MALRD1: variants seen among roughly 807,000 people sequenced by gnomAD.
MALRD1 encodes the protein MAM and LDL-receptor class A domain-containing protein 1.
Under a neutral mutation model 242.1 loss-of-function variants are expected in MALRD1, and 247 were observed. The observed-to-expected ratio is 1.02, with a 90% CI of 0.92 to 1.13. The LOEUF (loss-of-function observed/expected upper bound fraction) is 1.13, where lower values mean the gene tolerates loss of function less well. MALRD1 is among the 50% of genes most tolerant of loss of function. The probability of loss-of-function intolerance (pLI) is 0.00; values close to 1 mark genes in which losing one functional copy is unlikely to be tolerated. For synonymous variants in MALRD1, 995 were observed against 866.6 expected (o/e 1.15, Z -2.60); for missense variants, 2,989 against 2,533.1 (o/e 1.18, Z -3.86).
chr10:19,493,278 G>C (rs1261720791), intron 30 of MALRD1: 1 of 151,792 alleles, frequency 6.6e-6, no homozygotes, highest in Non-Finnish European at 1.5e-5. Flanking sequence ...TTTCTTTTCT[G>C]TGACTGGCTT....
chr10:19,080,293 A>G (rs1277298005), intron 2 of MALRD1, among the ~76,000 whole-genome samples: 1 of 152,064 alleles, frequency 6.6e-6, no homozygotes, highest in Admixed American at 6.6e-5. Flanking sequence ...ATAACCCAAA[A>G]GAGGTCTCAT....
chr10:19,162,030 G>GAACAACAAC lies in MALRD1; in HGVS notation c.1657-3602_1657-3594dup, dbSNP rs200339497. 5.6e-3 allele frequency among the ~76,000 whole-genome samples: 828 copies of GAACAACAAC among 146,774 alleles called. 4 individuals carry two copies. The highest frequency in any genetic ancestry group is 8.0e-3 in the Non-Finnish European group (532 of 66,296). The stretch of plus-strand genomic sequence containing the variant: ...GCAACAGAGTGAAACTCTGTCTCAA[G>GAACAACAAC]AACAACAACAACAGCAACAACAACA... On this transcript the variant is annotated intron_variant, in intron 12 of 39. Transcript: ENST00000454679.
intron 2 of MALRD1, 149 bp downstream of exon 2, chr10:19,067,008 T>C (rs1424554558): frequency 1.9e-6 from 1 of 527,470 alleles, no homozygotes; most frequent in Non-Finnish European, 2.9e-6. Context: ...GATATTTACA[T>C]ATTTGTAGTT....
At chr10:19,073,787 G>A (rs886970716) in intron 2 of MALRD1, among the ~76,000 whole-genome samples, 5 of 152,076 alleles carry the variant, frequency 3.3e-5, no homozygotes, top group Non-Finnish European at 7.4e-5. Flanking sequence ...CAAGGTGTTT[G>A]TGATCTCTTT....
intron 36 of MALRD1, among the ~76,000 whole-genome samples, chr10:19,682,625 C>T (rs148010978): frequency 2.6e-5 from 4 of 152,220 alleles, no homozygotes; most frequent in Non-Finnish European, 4.4e-5. Flanking sequence ...GCAAATTAAT[C>T]GCTGCTACTC....
chr10:19,496,589 C>T (rs1837730600), intron 30 of MALRD1, among the ~76,000 whole-genome samples: 1 of 152,106 alleles, frequency 6.6e-6, no homozygotes, highest in South Asian at 2.1e-4. Flanking sequence ...GCACCAAATG[C>T]CCACATCAAA....
At chr10:19,678,281 T>C (rs1432868622) in intron 36 of MALRD1, among the ~76,000 whole-genome samples, 1 of 152,196 alleles carries the variant, frequency 6.6e-6, no homozygotes, top group Non-Finnish European at 1.5e-5. Flanking sequence ...TTTCACAATA[T>C]TGATTCTTCC....
At chr10:19,332,019 C>T (rs1843395279) in intron 24 of MALRD1, among the ~76,000 whole-genome samples, 1 of 152,012 alleles carries the variant, frequency 6.6e-6, no homozygotes, top group African/African-American at 2.4e-5. Context: ...GCGCCTGCCA[C>T]CACGCCCAGC....
At chr10:19,239,718 G>A (rs968196717) in intron 18 of MALRD1, among the ~76,000 whole-genome samples, 1 of 152,072 alleles carries the variant, frequency 6.6e-6, no homozygotes, top group South Asian at 2.1e-4. Flanking sequence ...CCCACATGTA[G>A]ATATCCAATC....
At chr10:19,390,103 C>T (rs1031422981) in intron 28 of MALRD1, among the ~76,000 whole-genome samples, 8 of 152,200 alleles carry the variant, frequency 5.3e-5, no homozygotes, top group African/African-American at 1.7e-4. Flanking sequence ...TTGAGTTCAA[C>T]ATCATATCCT....
rs565461089 is a variant in MALRD1 at position 19,389,742 on chromosome 10, C to T, written c.4845+133C>T. ...GCAGCCTCCAACTCCTGGACTCAAG[C>T]GATCCTCCTGCCTCTGCCTCCCGAA... On this transcript the variant is annotated intron_variant, in intron 28 of 39. Coordinates refer to ENST00000454679, the MANE Select transcript of MALRD1 (RefSeq NM_001142308.3). The T allele has an allele frequency of 3.4e-5, 31 of 924,020 alleles. 1 individual carries two copies. The highest frequency in any genetic ancestry group is 7.0e-4 in the Middle Eastern group (2 of 2,866). 57.2% of individuals were successfully genotyped at this position (924,020 alleles called of 1,614,324 possible).
intron 35 of MALRD1, among the ~76,000 whole-genome samples, chr10:19,615,500 G>A (rs1340300036): frequency 1.3e-5 from 1 of 75,470 alleles, no homozygotes; most frequent in Non-Finnish European, 2.2e-5. Context: ...CTGAATGACA[G>A]AGCAAGACCC....
chr10:19,677,149 A>G (rs1445820051), intron 36 of MALRD1, among the ~76,000 whole-genome samples: 1 of 152,196 alleles, frequency 6.6e-6, no homozygotes, highest in Non-Finnish European at 1.5e-5. Context: ...TCTTTATAAT[A>G]GAATGATTTA....
chr10:19,546,614 C>T (rs971168930), intron 32 of MALRD1, among the ~76,000 whole-genome samples: 9 of 152,180 alleles, frequency 5.9e-5, no homozygotes, highest in Non-Finnish European at 1.2e-4. Context: ...TTGAGTTATT[C>T]CAGAATTTGG....
intron 38 of MALRD1, among the ~76,000 whole-genome samples, chr10:19,698,589 A>G (rs946185675): frequency 3.3e-5 from 5 of 152,148 alleles, no homozygotes; most frequent in Non-Finnish European, 5.9e-5. Flanking sequence ...GGGAGAAGAA[A>G]TGGGGAAGGA....
intron 5 of MALRD1, among the ~76,000 whole-genome samples, chr10:19,104,859 T>C (rs1427536549): frequency 1.3e-5 from 2 of 152,096 alleles, no homozygotes; most frequent in Non-Finnish European, 2.9e-5. Flanking sequence ...AGGATCTTGA[T>C]ATTGTGCTTG....
At chr10:19,213,098 C>A (rs191576620) in intron 18 of MALRD1, among the ~76,000 whole-genome samples, 17 of 151,888 alleles carry the variant, frequency 1.1e-4, no homozygotes, top group African/African-American at 3.9e-4. Flanking sequence ...TTGATGAGTT[C>A]TTCTTATCAA....
intron 21 of MALRD1, among the ~76,000 whole-genome samples, chr10:19,294,675 G>A (rs1428551522): frequency 6.6e-6 from 1 of 152,000 alleles, no homozygotes; most frequent in East Asian, 1.9e-4. Flanking sequence ...AGATACCCAA[G>A]GCATTCTCTA....
chr10:19,124,092 C>T (rs1837166156), intron 6 of MALRD1, among the ~76,000 whole-genome samples: 1 of 151,136 alleles, frequency 6.6e-6, no homozygotes, highest in Non-Finnish European at 1.5e-5. Context: ...TGGCATGCAC[C>T]TGTGGTCCTA....
Sources: allele counts gnomAD v4.1 joint callset (sites outside exome capture counted in the v4.1 genomes callset), GRCh38; gene constraint gnomAD v4.1.1; transcripts MANE v1.5; gene names NCBI Gene and HGNC (gene_info 2026-07-23, HGNC 2026-07-21).